PAM16: variants seen among roughly 807,000 people sequenced by gnomAD.
PAM16 encodes presequence translocase associated motor 16.
Under a neutral mutation model 17.9 loss-of-function variants are expected in PAM16, and 11 were observed. The observed-to-expected ratio is 0.62, with a 90% CI of 0.39 to 1.02. The LOEUF is 1.02. PAM16 is among the 50% of genes least tolerant of loss of function. The pLI, the probability that PAM16 is intolerant of heterozygous loss-of-function variation, is 0.01. For missense variants in PAM16, 199 were observed against 165.4 expected (o/e 1.20, Z -1.11); for synonymous variants, 72 against 67.4 (o/e 1.07, Z -0.34).
Position 4,343,311 on chromosome 16 carries a change from C to G in PAM16, c.4-20G>C. The G allele has an allele frequency of 6.3e-7, 1 of 1,591,400 alleles. No homozygotes were observed. The highest frequency in any genetic ancestry group is 8.5e-7 in the Non-Finnish European group (1 of 1,170,248). The stretch of plus-strand genomic sequence containing the variant: ...CTTGGCCTGTGGGCAAAGCAGGCAC[C>G]CGGTTAGCAGGCCACTCCCTGTGGG... On this transcript the variant is annotated intron_variant, in intron 1 of 4. Transcript: ENST00000318059.
intron 2 of PAM16, among the ~76,000 whole-genome samples, chr16:4,342,430 A>C (rs936997742): frequency 6.6e-6 from 1 of 151,826 alleles, no homozygotes; most frequent in African/African-American, 2.4e-5. Context: ...CGAGGTGGGC[A>C]TATCACGTGA....
chr16:4,351,257 C>T lies in PAM16; in HGVS notation c.-23G>A, dbSNP rs756665454. On this transcript the variant is annotated 5_prime_UTR_variant, in exon 1 of 5. Coordinates refer to ENST00000318059, the MANE Select transcript of PAM16 (RefSeq NM_016069.11). ...CATGGCAGCCGCTCTGCCTCCGGGG[C>T]TCAAACTCCGACTTCCTGGCCCCGC... The T allele has an allele frequency of 6.8e-6, 10 of 1,466,872 alleles. No individual in the cohort carries two copies. Among genetic ancestry groups the T allele is most frequent in the East Asian group, 5.4e-5 (2 of 36,798 alleles). The allele number at this position is 1,466,872 out of a possible 1,614,324, so 90.9% of individuals were successfully genotyped here. A position where few individuals can be genotyped will look rare whatever the true frequency, so the allele number is the denominator to read the frequency against.
Position 4,343,276 on chromosome 16 carries a change from G to T in PAM16, c.19C>A (p.Gln7Lys). 1 of 1,611,970 alleles carries T rather than the reference G, an allele frequency of 6.2e-7. No individual in the cohort carries two copies. Among genetic ancestry groups the T allele is most frequent in the Non-Finnish European group, 8.5e-7 (1 of 1,179,588 alleles). Reference sequence around the variant, plus strand: ...ACCTGCACGCCCATCACAATGATCTGGGCCAGGTACTTGGCCTGTGGGCAA... The same window carrying T: ...ACCTGCACGCCCATCACAATGATCTTGGCCAGGTACTTGGCCTGTGGGCAA... MAKYLA[Q>K]IIVMGVQVVG... Residue 7 changes from glutamine to lysine, a missense_variant, in exon 2 of 5, where the codon CAG (glutamine) becomes AAG (lysine). Gln to Lys is a moderately conservative substitution (Grantham distance 53, BLOSUM62 1). Coordinates refer to ENST00000318059, the MANE Select transcript of PAM16 (RefSeq NM_016069.11).
intron 1 of PAM16, among the ~76,000 whole-genome samples, chr16:4,349,316 C>T (rs760173101): frequency 6.6e-6 from 1 of 152,080 alleles, no homozygotes; most frequent in Non-Finnish European, 1.5e-5. Context: ...GCCTATAATC[C>T]CAGCACTTTG....
At chr16:4,343,167 A>G in intron 2 of PAM16, 40 bp downstream of exon 2, 1 of 1,611,748 alleles carries the variant, frequency 6.2e-7, no homozygotes, top group East Asian at 2.2e-5. Flanking sequence ...TGACCTGGAG[A>G]GGAACTCCCA....
chr16:4,349,722 G>A (rs1308005087), intron 1 of PAM16, among the ~76,000 whole-genome samples: 4 of 152,056 alleles, frequency 2.6e-5, no homozygotes, highest in African/African-American at 4.8e-5. Flanking sequence ...AGCTAGGATC[G>A]CTCCACTGCA....
At chr16:4,341,569 G>T in intron 2 of PAM16, 65 bp from the exon 3 acceptor site, 1 of 1,522,936 alleles carries the variant, frequency 6.6e-7, no homozygotes, top group Non-Finnish European at 8.8e-7. Flanking sequence ...GGCCTTCCGA[G>T]TTGGTGGCTC....
chr16:4,341,538 A>G (rs1006351658), intron 2 of PAM16, 34 bp from the exon 3 acceptor site: 4 of 1,580,784 alleles, frequency 2.5e-6, no homozygotes, highest in African/African-American at 2.7e-5. Context: ...CTCAGTCCTC[A>G]GCAGCCCACA....
At chr16:4,344,069 A>G (rs1467263160) in intron 1 of PAM16, 7 of 397,904 alleles carry the variant, frequency 1.8e-5, no homozygotes, top group East Asian at 3.6e-5. Flanking sequence ...CAGGCTGAAC[A>G]TGCCGGAACA....
Position 4,343,195 on chromosome 16 carries a change from A to G in PAM16, c.88+12T>C, listed in dbSNP as rs72766573. ...AACTCCCAGCCCACAGGGGAGACGGACCCATGCTTACCTGCAAACTCCTGC... is the reference window on the plus strand; with the variant it reads ...AACTCCCAGCCCACAGGGGAGACGGGCCCATGCTTACCTGCAAACTCCTGC... On this transcript the variant is annotated intron_variant, in intron 2 of 4. Transcript: ENST00000318059. 0.035 allele frequency: 56,871 copies of G among 1,611,744 alleles called. 1,230 individuals carry two copies. The highest frequency in any genetic ancestry group is 0.054 in the Middle Eastern group (327 of 6,054).
chr16:4,341,031 A>G (rs777456079), intron 3 of PAM16, 46 bp from the exon 4 acceptor site: 9 of 1,608,582 alleles, frequency 5.6e-6, no homozygotes, highest in Admixed American at 3.3e-5. Context: ...ACTGCAGGCA[A>G]GAGATGTTGG....
rs745798161 is a variant in PAM16, at chr16:4,340,975, T to C, written c.236A>G (p.His79Arg). The C allele has an allele frequency of 1.9e-6, 3 of 1,613,506 alleles. No homozygotes were observed. The highest frequency in any genetic ancestry group is 2.2e-5 in the East Asian group (1 of 44,880). Residue 79 changes from histidine (H) to arginine (R), a missense_variant, in exon 4 of 5, where the codon CAC (histidine) becomes CGC (arginine). Physicochemically the swap from His to Arg is conservative, Grantham distance 29. Transcript: ENST00000318059. The part of the protein sequence containing the change: ...SPEEVQKNYE[H>R]LFKVNDKSVG... ...GGATTTATCATTCACCTTAAATAAG[T>C]GTTCATAGTTCTGCAGAGGAGAGGG...
intron 1 of PAM16, chr16:4,347,681 G>A (rs2053779169): frequency 6.6e-6 from 1 of 152,252 alleles, no homozygotes; most frequent in Admixed American, 6.5e-5. Flanking sequence ...GCCAGCTGTG[G>A]CTACCATGGG....
In PAM16 at chr16:4,351,252, C is replaced by G; in HGVS notation, c.-18G>C. The G allele has an allele frequency of 6.8e-7, 1 of 1,467,998 alleles. No homozygotes were observed. The highest frequency in any genetic ancestry group is 1.4e-5 in the South Asian group (1 of 70,360). The allele number at this position is 1,467,998 out of a possible 1,614,324, so 90.9% of individuals were successfully genotyped here. A position where few individuals can be genotyped will look rare whatever the true frequency, so the allele number is the denominator to read the frequency against. On this transcript the variant is annotated 5_prime_UTR_variant, in exon 1 of 5. Coordinates refer to ENST00000318059, the MANE Select transcript of PAM16 (RefSeq NM_016069.11). ...CTCACCATGGCAGCCGCTCTGCCTC[C>G]GGGGCTCAAACTCCGACTTCCTGGC... is the stretch of plus-strand genomic sequence containing the variant.
At chr16:4,344,568 CTGTGAGAGGAGGGGGTTCCG>C (rs1567231194) in intron 1 of PAM16, among the ~76,000 whole-genome samples, 9 of 1,362 alleles carry the variant, frequency 6.6e-3, no homozygotes, top group Non-Finnish European at 9.5e-3. Flanking sequence ...GGAGGGGGTT[CTGTGAGAGGAGGGGGTTCCG>C]TGAGAGGAGG....
At chr16:4,344,791 A>G (rs2053726115) in intron 1 of PAM16, among the ~76,000 whole-genome samples, 2 of 57,190 alleles carry the variant, frequency 3.5e-5, no homozygotes, top group African/African-American at 1.5e-4. Flanking sequence ...CTGTGAGAGG[A>G]GGGGATTGTG....
chr16:4,351,289 G>T lies in PAM16; in HGVS notation c.-55C>A, dbSNP rs569946035. Reference sequence around the variant, plus strand: ...TCCGACTTCCTGGCCCCGCGGCCGGGGATCAAGCGTGGTCGGCGGGTCAGA... The same window carrying T: ...TCCGACTTCCTGGCCCCGCGGCCGGTGATCAAGCGTGGTCGGCGGGTCAGA... On this transcript the variant is annotated 5_prime_UTR_variant, in exon 1 of 5. Transcript: ENST00000318059. 1.9e-3 allele frequency: 2,686 copies of T among 1,415,016 alleles called. 84 individuals are homozygous for T. The South Asian group carries it at 0.038, about 20-fold the overall frequency. 87.7% of individuals were successfully genotyped at this position (1,415,016 alleles called of 1,614,324 possible). A position where few individuals can be genotyped will look rare whatever the true frequency, so the allele number is the denominator to read the frequency against.
chr16:4,343,065 G>T, intron 2 of PAM16, 142 bp downstream of exon 2: 1 of 1,096,206 alleles, frequency 9.1e-7, no homozygotes, highest in Non-Finnish European at 1.3e-6. Context: ...GAATGCCCCG[G>T]TCTGGCATCA....
intron 1 of PAM16, among the ~76,000 whole-genome samples, chr16:4,345,000 TAGCCTAGG>T (rs2053732223): frequency 6.6e-6 from 1 of 151,946 alleles, no homozygotes; most frequent in Non-Finnish European, 1.5e-5. Flanking sequence ...GAGCAGCCAA[TAGCCTAGG>T]CTGGCCTGGG....
Sources: gnomAD v4.1 joint callset for allele counts (sites outside exome capture counted in the v4.1 genomes callset) on GRCh38, gnomAD v4.1.1 for gene constraint, MANE v1.5 for transcripts, NCBI Gene and HGNC (gene_info 2026-07-23, HGNC 2026-07-21) for gene names.